ROBO2: variants seen among roughly 807,000 people sequenced by gnomAD.
ROBO2 encodes the protein roundabout guidance receptor 2, also known as roundabout homolog 2.
In ROBO2, 53 loss-of-function variants were observed where a neutral mutation model predicts 160.8. The observed-to-expected ratio is 0.33, with a 90% confidence interval of 0.26 to 0.41. ROBO2 has a LOEUF of 0.41. Among genes scored for constraint, ROBO2 ranks in the 10% least tolerant of loss-of-function variants. The pLI, the probability that ROBO2 is intolerant of heterozygous loss-of-function variation, is 1.00. For missense variants in ROBO2, 1,577 were observed against 1,722.4 expected, an observed-to-expected ratio of 0.92 and a Z score of 1.49; for synonymous variants, 664 against 611.7, an observed-to-expected ratio of 1.09 and a Z score of -1.26.
At chr3:76,719,605 C>T (rs1042651804) in intron 2 of ROBO2, among the ~76,000 whole-genome samples, 9 of 152,218 alleles carry the variant, frequency 5.9e-5, no homozygotes, top group South Asian at 2.1e-4. Context: ...ACAATAAGGC[C>T]GGGTGTGGTG....
intron 2 of ROBO2, among the ~76,000 whole-genome samples, chr3:76,337,451 A>G (rs1377513069): frequency 6.6e-6 from 1 of 152,188 alleles, no homozygotes; most frequent in African/African-American, 2.4e-5. Context: ...GCTGACAGAA[A>G]ATTTACCTTT....
At chr3:76,956,472 G>C (rs570904102) in intron 2 of ROBO2, among the ~76,000 whole-genome samples, 1 of 151,626 alleles carries the variant, frequency 6.6e-6, no homozygotes, top group Non-Finnish European at 1.5e-5. Flanking sequence ...CAGGAGAATG[G>C]CGTGAATCCA....
chr3:77,490,995 T>C (rs1389312466), intron 4 of ROBO2, among the ~76,000 whole-genome samples: 1 of 152,226 alleles, frequency 6.6e-6, no homozygotes, highest in Non-Finnish European at 1.5e-5. Flanking sequence ...ATTCAACAAG[T>C]TGCTTACTTG....
intron 1 of ROBO2, among the ~76,000 whole-genome samples, chr3:77,055,446 T>C (rs2065643986): frequency 6.6e-6 from 1 of 152,112 alleles, no homozygotes; most frequent in Non-Finnish European, 1.5e-5. Flanking sequence ...CAAAATCTCT[T>C]GAGGAGTTTA....
intron 2 of ROBO2, among the ~76,000 whole-genome samples, chr3:76,673,526 C>T (rs1297840043): frequency 6.6e-6 from 1 of 152,132 alleles, no homozygotes; most frequent in East Asian, 1.9e-4. Context: ...CAGAACCATT[C>T]ATATGTTTTA....
chr3:76,689,165 T>C (rs768190635), intron 2 of ROBO2, among the ~76,000 whole-genome samples: 3 of 152,128 alleles, frequency 2.0e-5, no homozygotes, highest in Non-Finnish European at 2.9e-5. Flanking sequence ...GGTATCTTAT[T>C]GACAAATTCA....
chr3:75,956,903 A>G (rs1948740089), intron 2 of ROBO2, among the ~76,000 whole-genome samples: 1 of 151,562 alleles, frequency 6.6e-6, no homozygotes, highest in Non-Finnish European at 1.5e-5. Flanking sequence ...GACAAAATAG[A>G]TATCTCTTTC....
chr3:76,254,735 CAGAGAGAG>C (rs36108761), intron 2 of ROBO2, among the ~76,000 whole-genome samples: 3 of 148,526 alleles, frequency 2.0e-5, no homozygotes, highest in Admixed American at 2.0e-4. Flanking sequence ...TACTCTCTCT[CAGAGAGAG>C]AGAGAGAGAG....
Position 76,382,326 on chromosome 3 carries a change from C to T in ROBO2, c.109+444724C>T, listed in dbSNP as rs554758985. Among the ~76,000 whole-genome samples, 6 of 152,254 alleles carry T rather than the reference C, an allele frequency of 3.9e-5. No individual in the cohort carries two copies. In the South Asian group the frequency reaches 8.3e-4, roughly 21 times the overall value. On this transcript the variant is annotated intron_variant, in intron 2 of 26. Transcript: ENST00000487694. ...CTTCTTGGCTGGGCGCGGTGACTCA[C>T]GCCTGTAATCCCAGCACTTTGGGAG... is the stretch of plus-strand genomic sequence containing the variant.
intron 2 of ROBO2, among the ~76,000 whole-genome samples, chr3:77,474,285 T>C (rs908426927): frequency 1.3e-5 from 2 of 152,158 alleles, no homozygotes; most frequent in Non-Finnish European, 2.9e-5. Context: ...CATAGCGGTG[T>C]TAGGCAATTA....
intron 2 of ROBO2, among the ~76,000 whole-genome samples, chr3:75,972,791 G>A (rs953952421): frequency 3.9e-4 from 59 of 151,666 alleles, no homozygotes; most frequent in Admixed American, 3.0e-3. Flanking sequence ...ACTCCATTGC[G>A]TAGTGGAGTT....
chr3:76,304,754 CT>C (rs751907717), intron 2 of ROBO2, among the ~76,000 whole-genome samples: 15,383 of 129,688 alleles, frequency 0.12, 1,147 homozygotes, highest in Non-Finnish European at 0.15. Flanking sequence ...TTCCTTCTTT[CT>C]TTCTTTCTTT....
intron 2 of ROBO2, among the ~76,000 whole-genome samples, chr3:76,032,931 G>A (rs1271110935): frequency 6.6e-6 from 1 of 152,100 alleles, no homozygotes. Context: ...GATACTGCTT[G>A]TTTAGACAAG....
intron 18 of ROBO2, 101 bp downstream of exon 19, chr3:77,595,285 G>T: frequency 2.2e-6 from 2 of 926,882 alleles, no homozygotes; most frequent in African/African-American, 3.4e-5. Flanking sequence ...TCACTTAAAA[G>T]TCTGAGAATT....
intron 21 of ROBO2, among the ~76,000 whole-genome samples, chr3:77,616,129 T>A (rs2094770597): frequency 6.6e-6 from 1 of 152,168 alleles, no homozygotes; most frequent in Non-Finnish European, 1.5e-5. Context: ...TATTATGGAA[T>A]TGCAATTAAT....
intron 1 of ROBO2, among the ~76,000 whole-genome samples, chr3:75,911,682 C>G (rs562641899): frequency 6.6e-6 from 1 of 150,830 alleles, no homozygotes; most frequent in Non-Finnish European, 1.5e-5. Flanking sequence ...CTCAGCCTCC[C>G]GTGTAGCTGG....
intron 2 of ROBO2, among the ~76,000 whole-genome samples, chr3:77,237,413 G>T (rs1416621017): frequency 2.5e-5 from 3 of 121,630 alleles, no homozygotes; most frequent in Non-Finnish European, 1.7e-5. Flanking sequence ...GTTTTGTTTT[G>T]TGTGTGTGTG....
At chr3:77,208,957 A>C (rs559637773) in intron 2 of ROBO2, among the ~76,000 whole-genome samples, 1 of 152,294 alleles carries the variant, frequency 6.6e-6, no homozygotes, top group South Asian at 2.1e-4. Context: ...TGTTTCATAT[A>C]TTTTTGAGAG....
rs1405405126 is a variant in ROBO2, at chr3:77,360,221, C to T, written c.389-117193C>T. ...TGCTTAAATATTCTATTTGCAAATG[C>T]TCTAAGTTGCAACAGTTAGAATGTA... On this transcript the variant is annotated intron_variant, in intron 2 of 25. Transcript: ENST00000461745. Among the ~76,000 whole-genome samples the T allele has an allele frequency of 1.6e-4, 24 of 151,510 alleles. No homozygotes were observed. In the Admixed American group the frequency reaches 1.6e-3, roughly 10 times the overall value.
Sources: allele counts gnomAD v4.1 joint callset (sites outside exome capture counted in the v4.1 genomes callset), GRCh38; gene constraint gnomAD v4.1.1; transcripts MANE v1.5; gene names NCBI Gene and HGNC (gene_info 2026-07-23, HGNC 2026-07-21).